The following GREB1 variants were observed in gnomAD, a reference collection of about 807,000 sequenced individuals.
GREB1 encodes growth regulating estrogen receptor binding 1.
Under a neutral mutation model 200.7 loss-of-function variants are expected in GREB1, and 106 were observed. The ratio of observed to expected loss-of-function variants is 0.53; its 90% confidence interval spans 0.45 to 0.62. GREB1 has a LOEUF of 0.62. GREB1 is among the 20% of genes least tolerant of loss of function. The probability of loss-of-function intolerance (pLI) is 0.00; values close to 1 mark genes in which losing one functional copy is unlikely to be tolerated. For missense variants in GREB1, 2,243 were observed against 2,556.8 expected (o/e 0.88, Z 2.65); for synonymous variants, 1,132 against 1,092.4 (o/e 1.04, Z -0.72).
intron 3 of GREB1, among the ~76,000 whole-genome samples, chr2:11,563,714 A>G (rs1014221742): frequency 3.3e-5 from 5 of 152,184 alleles, no homozygotes; most frequent in African/African-American, 1.2e-4. Flanking sequence ...CCCTATACAA[A>G]TATTTCTGGA....
At chr2:11,599,341 T>G (rs1160116413) in intron 15 of GREB1, among the ~76,000 whole-genome samples, 1 of 150,260 alleles carries the variant, frequency 6.7e-6, no homozygotes, top group East Asian at 1.9e-4. Context: ...TCTTTTTTTT[T>G]TTTTTTTCCT....
chr2:11,533,521 C>T (rs1029205237), upstream of GREB1, among the ~76,000 whole-genome samples: 8 of 152,198 alleles, frequency 5.3e-5, no homozygotes, highest in South Asian at 2.1e-4. Flanking sequence ...AGCTCCACAG[C>T]GTCCCTGAGA....
At chr2:11,495,554 A>G (rs1253722208) in intron 1 of GREB1, among the ~76,000 whole-genome samples, 1 of 152,124 alleles carries the variant, frequency 6.6e-6, no homozygotes, top group African/African-American at 2.4e-5. Context: ...CACTGTTCCA[A>G]GCACTTCACG....
At chr2:11,619,688 G>T (rs779439894) in intron 22 of GREB1, among the ~76,000 whole-genome samples, 1 of 152,184 alleles carries the variant, frequency 6.6e-6, no homozygotes, top group South Asian at 2.1e-4. Flanking sequence ...TTTACTGGTC[G>T]TTGATACTTC....
At chr2:11,589,716 C>G (rs1244947111) in intron 10 of GREB1, among the ~76,000 whole-genome samples, 1 of 152,184 alleles carries the variant, frequency 6.6e-6, no homozygotes, top group Non-Finnish European at 1.5e-5. Flanking sequence ...CTATTAAAGG[C>G]ACACAGTGGC....
At chr2:11,552,273 C>T (rs144522358) in intron 1 of GREB1, among the ~76,000 whole-genome samples, 78 of 152,284 alleles carry the variant, frequency 5.1e-4, no homozygotes, top group African/African-American at 1.8e-3. Flanking sequence ...GGAATGCAGG[C>T]GTTGGATGTG....
chr2:11,530,028 AC>A (rs1022189466), upstream of GREB1, among the ~76,000 whole-genome samples: 8 of 151,598 alleles, frequency 5.3e-5, no homozygotes, highest in Non-Finnish European at 8.8e-5. Context: ...TTTTAATAAG[AC>A]CCCTAGGTGA....
At chr2:11,564,844 G>A (rs181415825) in intron 3 of GREB1, among the ~76,000 whole-genome samples, 181 of 152,350 alleles carry the variant, frequency 1.2e-3, no homozygotes, top group African/African-American at 3.9e-3. Flanking sequence ...ACAGTTCCAC[G>A]TGGCTGGGGA....
chr2:11,517,124 G>T (rs1673534123), intron 1 of GREB1, among the ~76,000 whole-genome samples: 1 of 152,228 alleles, frequency 6.6e-6, no homozygotes, highest in South Asian at 2.1e-4. Flanking sequence ...GAGATTTTGG[G>T]TGTAGGCTGG....
rs1380570425 is a variant in GREB1 at position 11,637,829 on chromosome 2, C to G, written c.5460C>G (p.His1820Gln). The change falls in exon 31 of 33, where the codon CAC becomes CAG. Residue 1820 changes from histidine (H) to glutamine (Q), a missense_variant. Physicochemically the swap from His to Gln is conservative, Grantham distance 24. This residue lies in a region of GREB1 where 478 missense variants were observed against 616.3 expected (regional missense o/e 0.78). Coordinates refer to ENST00000381486, the MANE Select transcript of GREB1 (RefSeq NM_014668.4). The stretch of plus-strand genomic sequence containing the variant: ...TCCTGCTGGAGAAGTTCCTGCAGCA[C>G]CACAGCCACCTCTTCTTCCCGCTGT... Reference protein sequence around the residue: ...AQLLLEKFLQHHSHLFFPLSL... With the variant: ...AQLLLEKFLQQHSHLFFPLSL... The G allele has an allele frequency of 1.2e-6, 2 of 1,614,230 alleles. No homozygotes were observed. The highest frequency in any genetic ancestry group is 3.3e-5 in the Admixed American group (2 of 60,032).
chr2:11,548,229 C>T lies in GREB1; in HGVS notation c.-161-8225C>T, dbSNP rs1675474546. 6.6e-6 allele frequency among the ~76,000 whole-genome samples: 1 copy of T among 151,770 alleles called. No individual in the cohort carries two copies. The highest frequency in any genetic ancestry group is 1.5e-5 in the Non-Finnish European group (1 of 67,940). ...TCACATGCACACAGCCAGACATGTG[C>T]ACACATGTGCACATACCCAAACATA... is the stretch of plus-strand genomic sequence containing the variant. On this transcript the variant is annotated intron_variant, in intron 1 of 32. Transcript: ENST00000381486. This position sits in a 1 kb window ranked among gnomAD's most constrained non-coding sequence, Gnocchi z 5.1.
intron 1 of GREB1, among the ~76,000 whole-genome samples, chr2:11,499,737 T>C (rs1672979111): frequency 1.3e-5 from 2 of 152,248 alleles, no homozygotes; most frequent in African/African-American, 4.8e-5. Context: ...GTTAGCATTT[T>C]GGGAGATTCT....
Position 11,580,815 on chromosome 2 carries a change from C to T in GREB1, c.884C>T (p.Pro295Leu), listed in dbSNP as rs768624823. The change falls in exon 7 of 33, where the codon CCG (proline) becomes CTG (leucine). Residue 295 changes from proline to leucine, a missense_variant. Physicochemically the swap from Pro to Leu is moderately conservative, Grantham distance 98. Around this residue, in one of 3 missense-constraint regions of GREB1, gnomAD observed 1,178 missense variants for 1,387.4 expected, o/e 0.85. Transcript: ENST00000381486. The surrounding 1 kb of genome is among the most constrained non-coding windows in gnomAD (Gnocchi z 4.5). ...QLAKNNLLAL[P>L]RPSALGILSN... ...GCAAAGAATAACCTGTTGGCCCTGCCGCGACCATCGGCTTTAGGTAGCTCT... is the reference window on the plus strand; with the variant it reads ...GCAAAGAATAACCTGTTGGCCCTGCTGCGACCATCGGCTTTAGGTAGCTCT... The T allele has an allele frequency of 2.4e-5, 39 of 1,614,086 alleles. No homozygotes were observed. The highest frequency in any genetic ancestry group is 2.9e-5 in the Non-Finnish European group (34 of 1,180,046).
chr2:11,602,656 C>G (rs1681886404), intron 17 of GREB1, 114 bp downstream of exon 17: 1 of 837,070 alleles, frequency 1.2e-6, no homozygotes, highest in African/African-American at 1.7e-5. Flanking sequence ...TCCTGAGCAA[C>G]TCAGTTTCTC....
intron 1 of GREB1, among the ~76,000 whole-genome samples, chr2:11,501,422 C>G (rs962197209): frequency 2.0e-5 from 3 of 152,178 alleles, no homozygotes; most frequent in Non-Finnish European, 4.4e-5. Flanking sequence ...GAGATGGAAT[C>G]TCTCTCTGTT....
chr2:11,591,721 G>A (rs536727721), intron 10 of GREB1: 32 of 400,150 alleles, frequency 8.0e-5, no homozygotes, highest in African/African-American at 5.8e-4. Context: ...CGTTCTATAT[G>A]TCAAGATGTG....
intron 1 of GREB1, among the ~76,000 whole-genome samples, chr2:11,506,710 A>G (rs1332633525): frequency 6.6e-6 from 1 of 152,126 alleles, no homozygotes; most frequent in East Asian, 1.9e-4. Flanking sequence ...AGATCATGGA[A>G]GCTTGGGGAG....
intron 1 of GREB1, among the ~76,000 whole-genome samples, chr2:11,537,714 T>C (rs565900323): frequency 2.0e-5 from 3 of 147,386 alleles, no homozygotes; most frequent in African/African-American, 7.4e-5. Context: ...ATTAGATAAA[T>C]ATATGATATT....
At position 11,527,737 on chromosome 2, in the gene GREB1, G is replaced by A. The variant is rs563374165; in HGVS notation, c.-158-28720G>A. 2.0e-5 allele frequency among the ~76,000 whole-genome samples: 3 copies of A among 152,342 alleles called. No individual in the cohort carries two copies. The South Asian group carries it at 6.2e-4, about 32-fold the overall frequency. ...CAGATGTGGACTCAGCTCTCATGTA[G>A]TTCAGGGTCCTACGGGAAGACAGAC... On this transcript the variant is annotated intron_variant, in intron 1 of 2. Coordinates refer to the GREB1 transcript ENST00000628795.
Sources: gnomAD v4.1 joint callset for allele counts (sites outside exome capture counted in the v4.1 genomes callset) on GRCh38, gnomAD v4.1.1 for gene constraint, gnomAD v4.1.1 regional missense constraint, Gnocchi (gnomAD v3.1) non-coding constraint, MANE v1.5 for transcripts, NCBI Gene and HGNC (gene_info 2026-07-23, HGNC 2026-07-21) for gene names.